Variants in KCNQ5 observed in about 807,000 individuals in gnomAD.
KCNQ5 encodes the protein potassium voltage-gated channel subfamily KQT member 5.
In KCNQ5, 30 loss-of-function variants were observed where a neutral mutation model predicts 98.2. The ratio of observed to expected loss-of-function variants is 0.31; its 90% CI spans 0.23 to 0.41. KCNQ5 has a LOEUF of 0.41. Ranked by LOEUF, KCNQ5 falls within the 10% of genes least tolerant of loss-of-function variation. KCNQ5 has a pLI of 1.00. For synonymous variants in KCNQ5, 458 were observed against 449.4 expected, an observed-to-expected ratio of 1.02 and a Z score of -0.24; for missense variants, 835 against 1,182.5, an observed-to-expected ratio of 0.71 and a Z score of 4.31.
intron 1 of KCNQ5, among the ~76,000 whole-genome samples, chr6:72,649,591 A>G (rs752941589): frequency 5.3e-5 from 8 of 152,188 alleles, no homozygotes; most frequent in Non-Finnish European, 1.0e-4. Flanking sequence ...ACAAATGACC[A>G]GAATATACAG....
chr6:73,019,528 C>T (rs1284896432), intron 2 of KCNQ5, among the ~76,000 whole-genome samples: 1 of 152,066 alleles, frequency 6.6e-6, no homozygotes, highest in Non-Finnish European at 1.5e-5. Context: ...ATCCTTAGGT[C>T]CCATAAATCA....
intron 1 of KCNQ5, among the ~76,000 whole-genome samples, chr6:72,890,051 C>T (rs1182248123): frequency 6.6e-6 from 1 of 151,282 alleles, no homozygotes; most frequent in Non-Finnish European, 1.5e-5. Flanking sequence ...AGTCACAGTG[C>T]CCTCTGCCCA....
At chr6:72,955,211 G>C (rs941947487) in intron 1 of KCNQ5, among the ~76,000 whole-genome samples, 5 of 152,124 alleles carry the variant, frequency 3.3e-5, no homozygotes, top group Middle Eastern at 3.2e-3. Context: ...AGTTCCTAAA[G>C]TGAACCTGCT....
intron 1 of KCNQ5, among the ~76,000 whole-genome samples, chr6:72,754,999 T>C (rs537285086): frequency 1.3e-5 from 2 of 152,202 alleles, no homozygotes; most frequent in East Asian, 3.9e-4. Flanking sequence ...CTGTTAGTTT[T>C]TTGCTTCTTG....
chr6:73,109,723 G>A (rs1775149684), intron 6 of KCNQ5, among the ~76,000 whole-genome samples: 1 of 152,280 alleles, frequency 6.6e-6, no homozygotes, highest in East Asian at 1.9e-4. Context: ...ATCACAACCT[G>A]TATGAGATAG....
At chr6:72,689,352 C>T (rs1768101530) in intron 1 of KCNQ5, among the ~76,000 whole-genome samples, 1 of 152,160 alleles carries the variant, frequency 6.6e-6, no homozygotes, top group Admixed American at 6.5e-5. Context: ...AAAATCTCCA[C>T]CAAAAAGAAG....
intron 1 of KCNQ5, among the ~76,000 whole-genome samples, chr6:72,795,395 G>T (rs1774275388): frequency 6.6e-6 from 1 of 152,118 alleles, no homozygotes; most frequent in Non-Finnish European, 1.5e-5. Flanking sequence ...GGAGCAGTCA[G>T]ATATTGCAAA....
chr6:72,979,740 A>G (rs1768342155), intron 1 of KCNQ5, among the ~76,000 whole-genome samples: 1 of 152,174 alleles, frequency 6.6e-6, no homozygotes, highest in Non-Finnish European at 1.5e-5. Context: ...TTAGTCATGA[A>G]GTCCTCGCCT....
intron 11 of KCNQ5, among the ~76,000 whole-genome samples, chr6:73,181,469 A>G (rs1778402573): frequency 6.6e-6 from 1 of 152,254 alleles, no homozygotes; most frequent in South Asian, 2.1e-4. Flanking sequence ...GAAAGGATGA[A>G]TCAGTCACTT....
chr6:72,824,303 T>C (rs1408663802), intron 1 of KCNQ5, among the ~76,000 whole-genome samples: 1 of 152,084 alleles, frequency 6.6e-6, no homozygotes, highest in Non-Finnish European at 1.5e-5. Flanking sequence ...GTGGGGTCTG[T>C]GAAATAATGA....
At chr6:73,091,896 A>G (rs1422313551) in intron 5 of KCNQ5, among the ~76,000 whole-genome samples, 1 of 152,006 alleles carries the variant, frequency 6.6e-6, no homozygotes, top group Admixed American at 6.6e-5. Flanking sequence ...TGGAAATTGC[A>G]TTGAATTTGT....
intron 3 of KCNQ5, among the ~76,000 whole-genome samples, chr6:73,063,660 AGATAGAT>A (rs1312796202): frequency 2.6e-5 from 2 of 76,238 alleles, no homozygotes; most frequent in Non-Finnish European, 6.3e-5. Context: ...GATGATAGAT[AGATAGAT>A]GATAGATAGA....
chr6:72,678,683 C>G (rs1767539079), intron 1 of KCNQ5: 1 of 151,954 alleles, frequency 6.6e-6, no homozygotes, highest in Non-Finnish European at 1.5e-5. Context: ...GTGTATGATG[C>G]TGTAGTAGGT....
At chr6:73,194,072 T>G (rs1479223080) in intron 13 of KCNQ5, among the ~76,000 whole-genome samples, 1 of 152,144 alleles carries the variant, frequency 6.6e-6, no homozygotes, top group Non-Finnish European at 1.5e-5. Flanking sequence ...ACTCCTGGGC[T>G]CAATTCTCCT....
chr6:73,018,937 C>T (rs988627025), intron 2 of KCNQ5, among the ~76,000 whole-genome samples: 1 of 152,158 alleles, frequency 6.6e-6, no homozygotes, highest in Admixed American at 6.5e-5. Context: ...TTTGGATACT[C>T]GCTCTTCCTT....
chr6:72,693,432 G>A (rs73535789), intron 1 of KCNQ5, among the ~76,000 whole-genome samples: 17,506 of 152,116 alleles, frequency 0.12, 1,615 homozygotes, highest in African/African-American at 0.26. Flanking sequence ...AGCGCTGGTA[G>A]GTTCACTTCA....
At chr6:72,874,023 C>T (rs1243810171) in intron 1 of KCNQ5, among the ~76,000 whole-genome samples, 1 of 151,582 alleles carries the variant, frequency 6.6e-6, no homozygotes, top group African/African-American at 2.4e-5. Flanking sequence ...AGATTTATAT[C>T]TTTACTTGTA....
intron 9 of KCNQ5, 106 bp downstream of exon 9, chr6:73,124,618 T>C: frequency 9.7e-7 from 1 of 1,025,684 alleles, no homozygotes; most frequent in Non-Finnish European, 1.5e-6. Context: ...TACAAGATGA[T>C]TAAAAGTGAC....
At position 73,006,469 on chromosome 6, in the gene KCNQ5, C is replaced by G. The variant is rs1435919036; in HGVS notation, c.489+2471C>G. On this transcript the variant is annotated intron_variant, in intron 2 of 13. Coordinates refer to ENST00000370398, the MANE Select transcript of KCNQ5 (RefSeq NM_019842.4). ...GAGTTTGATACCAGCCTGGCCAACA[C>G]AGTGAAAGCCTGTCTCTACTAAAAA... Among the ~76,000 whole-genome samples, 12 of 151,962 alleles carry G rather than the reference C, an allele frequency of 7.9e-5. No individual in the cohort carries two copies. In the East Asian group the frequency reaches 1.5e-3, roughly 20 times the overall value.
Sources: gnomAD v4.1 joint callset for allele counts (sites outside exome capture counted in the v4.1 genomes callset) on GRCh38, gnomAD v4.1.1 for gene constraint, MANE v1.5 for transcripts, NCBI Gene and HGNC (gene_info 2026-07-23, HGNC 2026-07-21) for gene names.